The following KCNN2 variants were observed in gnomAD, a reference collection of about 807,000 sequenced individuals.
KCNN2 encodes potassium calcium-activated channel subfamily N member 2, also known as small conductance calcium-activated potassium channel protein 2.
Under a neutral mutation model 55.5 loss-of-function variants are expected in KCNN2, and 24 were observed. The ratio of observed to expected loss-of-function variants is 0.43; its 90% CI spans 0.31 to 0.61. KCNN2 has a LOEUF of 0.61. KCNN2 is among the 20% of genes least tolerant of loss of function. KCNN2 has a pLI of 0.08. For synonymous variants in KCNN2, 431 were observed against 336.1 expected, an observed-to-expected ratio of 1.28 and a Z score of -3.09; for missense variants, 754 against 853.6, an observed-to-expected ratio of 0.88 and a Z score of 1.45.
At chr5:114,400,587 G>T (rs1054630403) in intron 2 of KCNN2, among the ~76,000 whole-genome samples, 1 of 152,146 alleles carries the variant, frequency 6.6e-6, no homozygotes, top group African/African-American at 2.4e-5. Flanking sequence ...GTCAACAAAG[G>T]CCTGCTTATC....
intron 2 of KCNN2, among the ~76,000 whole-genome samples, chr5:114,311,770 C>T (rs1307434759): frequency 2.0e-5 from 3 of 152,108 alleles, no homozygotes; most frequent in African/African-American, 4.8e-5. Flanking sequence ...AATTTCAGTA[C>T]ATTCAATTTG....
At chr5:114,064,303 T>A (rs1325888575) in intron 1 of KCNN2, among the ~76,000 whole-genome samples, 1 of 152,202 alleles carries the variant, frequency 6.6e-6, no homozygotes, top group African/African-American at 2.4e-5. Flanking sequence ...CTTTTGTGAC[T>A]TGCTTTGAAC....
chr5:114,164,439 A>G (rs916583089), intron 1 of KCNN2, among the ~76,000 whole-genome samples: 1 of 152,192 alleles, frequency 6.6e-6, no homozygotes, highest in Non-Finnish European at 1.5e-5. Context: ...TAAATTTACT[A>G]TATTTTTTTC....
At chr5:114,137,377 C>A (rs988332782) in intron 1 of KCNN2, among the ~76,000 whole-genome samples, 2 of 152,072 alleles carry the variant, frequency 1.3e-5, no homozygotes, top group African/African-American at 2.4e-5. Flanking sequence ...ATCTTTATTC[C>A]TCTGATCCTT....
At chr5:114,411,971 A>G (rs921688261) in intron 3 of KCNN2, among the ~76,000 whole-genome samples, 4 of 152,248 alleles carry the variant, frequency 2.6e-5, no homozygotes, top group African/African-American at 9.6e-5. Context: ...CATAAGTTTT[A>G]TATAAAATAG....
At chr5:114,350,429 A>G (rs939842336) in intron 2 of KCNN2, among the ~76,000 whole-genome samples, 2 of 151,740 alleles carry the variant, frequency 1.3e-5, no homozygotes, top group Non-Finnish European at 2.9e-5. Context: ...CACTTTCCTG[A>G]TGGTATCCTT....
chr5:114,370,818 G>GC (rs1423407393), intron 2 of KCNN2, among the ~76,000 whole-genome samples: 3 of 151,982 alleles, frequency 2.0e-5, no homozygotes, highest in African/African-American at 4.8e-5. Flanking sequence ...TATGGATTCC[G>GC]CCCCCCACCC....
rs1754647937 is a variant in KCNN2 at position 114,241,828 on chromosome 5, A to ACG, written c.-185+20263_-185+20264insCG. On this transcript the variant is annotated intron_variant, in intron 2 of 10. Coordinates refer to the KCNN2 transcript ENST00000512097. ...TACGTATATATATATATGTGTGTATATATATATATATATATATGGAGTGTG... is the reference window on the plus strand; with the variant it reads ...TACGTATATATATATATGTGTGTATACGTATATATATATATATATGGAGTGTG... 4.2e-5 allele frequency among the ~76,000 whole-genome samples: 5 copies of ACG among 118,284 alleles called. 1 individual carries two copies. The highest frequency in any genetic ancestry group is 1.5e-4 in the African/African-American group (5 of 32,346). The allele number at this position is 118,284 out of a possible 152,430, so 77.6% of individuals were successfully genotyped here.
chr5:114,381,498 G>C (rs761003501), intron 2 of KCNN2, among the ~76,000 whole-genome samples: 2 of 152,208 alleles, frequency 1.3e-5, no homozygotes, highest in Non-Finnish European at 2.9e-5. Context: ...GCTCTAATAA[G>C]TGACAGATTA....
intron 2 of KCNN2, among the ~76,000 whole-genome samples, chr5:114,393,457 T>A (rs1268557014): frequency 1.3e-5 from 2 of 152,106 alleles, no homozygotes; most frequent in Admixed American, 6.5e-5. Context: ...GTAGACTGTT[T>A]GTTAGGATTT....
intron 3 of KCNN2, among the ~76,000 whole-genome samples, chr5:114,427,733 C>A (rs934952287): frequency 6.6e-6 from 1 of 152,072 alleles, no homozygotes; most frequent in Non-Finnish European, 1.5e-5. Context: ...GTATGGAATG[C>A]TAAGGGATAG....
chr5:114,401,181 T>C (rs1758777403), intron 2 of KCNN2, among the ~76,000 whole-genome samples: 1 of 152,094 alleles, frequency 6.6e-6, no homozygotes, highest in Non-Finnish European at 1.5e-5. Context: ...TTTTCCTCAA[T>C]TTCAGCATTA....
intron 4 of KCNN2, among the ~76,000 whole-genome samples, chr5:114,472,207 C>T (rs1761775772): frequency 6.6e-6 from 1 of 150,878 alleles, no homozygotes; most frequent in South Asian, 2.1e-4. Flanking sequence ...TGCCTGGACC[C>T]TCCAATCGGT....
At chr5:114,316,102 T>C (rs1756495121) in intron 2 of KCNN2, among the ~76,000 whole-genome samples, 1 of 152,080 alleles carries the variant, frequency 6.6e-6, no homozygotes. Flanking sequence ...ACGCATATAG[T>C]GTGTGTGTTG....
At chr5:114,119,555 C>G (rs1485897599) in intron 1 of KCNN2, among the ~76,000 whole-genome samples, 1 of 151,990 alleles carries the variant, frequency 6.6e-6, no homozygotes, top group Non-Finnish European at 1.5e-5. Flanking sequence ...TATCGCAGGC[C>G]CCTTCTATTT....
chr5:114,247,982 T>C (rs940324390), intron 2 of KCNN2, among the ~76,000 whole-genome samples: 6 of 152,166 alleles, frequency 3.9e-5, no homozygotes, highest in African/African-American at 1.2e-4. Context: ...GGACTTCCCT[T>C]TTCTTTGCTT....
intron 2 of KCNN2, among the ~76,000 whole-genome samples, chr5:114,324,588 G>A (rs1362481132): frequency 6.6e-6 from 1 of 152,192 alleles, no homozygotes; most frequent in South Asian, 2.1e-4. Context: ...TTTTAGCCCA[G>A]TGAAACCCAT....
At chr5:114,492,206 G>A (rs1012261208) in intron 6 of KCNN2, among the ~76,000 whole-genome samples, 3 of 152,046 alleles carry the variant, frequency 2.0e-5, no homozygotes, top group African/African-American at 7.2e-5. Context: ...CCTAGTTTCG[G>A]AACAAAATCA....
intron 1 of KCNN2, among the ~76,000 whole-genome samples, chr5:114,213,286 G>A (rs573756861): frequency 1.1e-4 from 16 of 151,878 alleles, no homozygotes; most frequent in African/African-American, 3.6e-4. Flanking sequence ...CCTATTTGCT[G>A]TTTCAATTTG....
Sources: gnomAD v4.1 joint callset for allele counts (sites outside exome capture counted in the v4.1 genomes callset) on GRCh38, gnomAD v4.1.1 for gene constraint, MANE v1.5 for transcripts, NCBI Gene and HGNC (gene_info 2026-07-23, HGNC 2026-07-21) for gene names.